CALM3: variants seen among roughly 807,000 people sequenced by gnomAD.
The protein encoded by CALM3 is calmodulin-3.
A neutral mutation model predicts 20.1 loss-of-function variants in CALM3; 5 were observed. The ratio of observed to expected loss-of-function variants is 0.25; its 90% confidence interval spans 0.13 to 0.52. CALM3 has a LOEUF of 0.52. Among genes scored for constraint, CALM3 ranks in the 20% least tolerant of loss-of-function variants. The pLI, the probability that CALM3 is intolerant of heterozygous loss-of-function variation, is 0.96. For missense variants in CALM3, 57 were observed against 192.8 expected, an observed-to-expected ratio of 0.30 and a Z score of 4.17; for synonymous variants, 69 against 68.1, an observed-to-expected ratio of 1.01 and a Z score of -0.06.
rs567547691 is a variant in CALM3 at position 46,604,968 on chromosome 19, G to A, written c.4-859G>A. Among the ~76,000 whole-genome samples the A allele has an allele frequency of 2.7e-5, 4 of 148,396 alleles. No individual in the cohort carries two copies. The East Asian group carries it at 6.0e-4, about 22-fold the overall frequency. On this transcript the variant is annotated intron_variant, in intron 1 of 5. Coordinates refer to ENST00000291295, the MANE Select transcript of CALM3 (RefSeq NM_005184.4). ...ACCAGTGCAGGAGAAGCCAGTCCCC[G>A]CATCTCCTCCCCACCCCCAAACCCC...
rs1203801682 is a variant in CALM3, at chr19:46,605,931, G to A, written c.34+74G>A. 2.2e-6 allele frequency: 3 copies of A among 1,345,862 alleles called. No individual in the cohort carries two copies. Among genetic ancestry groups the A allele is most frequent in the East Asian group, 2.3e-5 (1 of 43,616 alleles). The allele number at this position is 1,345,862 out of a possible 1,614,324, so 83.4% of individuals were successfully genotyped here. A position where few individuals can be genotyped will look rare whatever the true frequency, so the allele number is the denominator to read the frequency against. On this transcript the variant is annotated intron_variant, in intron 2 of 5. Coordinates refer to ENST00000291295, the MANE Select transcript of CALM3 (RefSeq NM_005184.4). This position sits in a 1 kb window ranked among gnomAD's most constrained non-coding sequence, Gnocchi z 4.1. ...CCAGCCAAATCTTAGCCACTGAGGA[G>A]TGACATCTGATGGGTGAACCTGTGT...
At chr19:46,604,183 C>T (rs1346272921) in intron 1 of CALM3, among the ~76,000 whole-genome samples, 6 of 152,174 alleles carry the variant, frequency 3.9e-5, no homozygotes, top group African/African-American at 1.2e-4. Flanking sequence ...AACCAGAAGC[C>T]CATCCTCCCT....
At position 46,608,124 on chromosome 19, in the gene CALM3, G is replaced by A; in HGVS notation, c.35-73G>A. On this transcript the variant is annotated intron_variant, in intron 2 of 5. Transcript: ENST00000291295. The surrounding 1 kb of genome is among the most constrained non-coding windows in gnomAD (Gnocchi z 5.5). Reference sequence around the variant, plus strand: ...TGCCCTTGGCCTTCCTCCAGGGAAGGCATCCAGCATCCAGAGGTAAGGATT... The same window carrying A: ...TGCCCTTGGCCTTCCTCCAGGGAAGACATCCAGCATCCAGAGGTAAGGATT... The A allele has an allele frequency of 6.8e-7, 1 of 1,470,018 alleles. No homozygotes were observed. The highest frequency in any genetic ancestry group is 2.3e-5 in the East Asian group (1 of 43,998). The allele number at this position is 1,470,018 out of a possible 1,614,324, so 91.1% of individuals were successfully genotyped here. A position where few individuals can be genotyped will look rare whatever the true frequency, so the allele number is the denominator to read the frequency against.
rs1427523920 is a variant in CALM3 at position 46,601,420 on chromosome 19, AC to A, written c.-11del. On this transcript the variant is annotated 5_prime_UTR_variant, in exon 1 of 6. Coordinates refer to ENST00000291295, the MANE Select transcript of CALM3 (RefSeq NM_005184.4). This position sits in a 1 kb window ranked among gnomAD's most constrained non-coding sequence, Gnocchi z 4.2. ...GAACCTTGATCCCCGTGCTCCGGAC[AC>A]CCCGGGCCTCGCCATGGTGAGTGAG... 1 of 1,503,138 alleles carries A rather than the reference AC, an allele frequency of 6.7e-7. No homozygotes were observed. The allele number at this position is 1,503,138 out of a possible 1,614,324, so 93.1% of individuals were successfully genotyped here. A position where few individuals can be genotyped will look rare whatever the true frequency, so the allele number is the denominator to read the frequency against.
Position 46,601,469 on chromosome 19 carries a change from G to C in CALM3, c.3+32G>C. On this transcript the variant is annotated intron_variant, in intron 1 of 5. Coordinates refer to ENST00000291295, the MANE Select transcript of CALM3 (RefSeq NM_005184.4). This position sits in a 1 kb window ranked among gnomAD's most constrained non-coding sequence, Gnocchi z 4.2. ...GAGGCTGGGGGGTCGCCGAGGCTGC[G>C]GGCTCTGAGGCGGGCTTAACGGGGC... 6.7e-7 allele frequency: 1 copy of C among 1,484,610 alleles called. No individual in the cohort carries two copies. The highest frequency in any genetic ancestry group is 1.3e-5 in the South Asian group (1 of 79,970). 92.0% of individuals were successfully genotyped at this position (1,484,610 alleles called of 1,614,324 possible).
Position 46,605,954 on chromosome 19 carries a change from T to C in CALM3, c.34+97T>C. 1 of 1,071,630 alleles carries C rather than the reference T, an allele frequency of 9.3e-7. No individual in the cohort carries two copies. The highest frequency in any genetic ancestry group is 1.3e-5 in the South Asian group (1 of 78,704). The allele number at this position is 1,071,630 out of a possible 1,614,324, so 66.4% of individuals were successfully genotyped here. ...GAGTGACATCTGATGGGTGAACCTG[T>C]GTATCCCTTGTGTCACCTAACACTA... On this transcript the variant is annotated intron_variant, in intron 2 of 5. Transcript: ENST00000291295. The surrounding 1 kb of genome is among the most constrained non-coding windows in gnomAD (Gnocchi z 4.1).
rs761694804 is a variant in CALM3 at position 46,608,464 on chromosome 19, C to T, written c.179-18C>T. 1.9e-5 allele frequency: 30 copies of T among 1,611,760 alleles called. No homozygotes were observed. Among genetic ancestry groups the T allele is most frequent in the African/African-American group, 5.3e-5 (4 of 74,874 alleles). On this transcript the variant is annotated intron_variant, in intron 3 of 5. Coordinates refer to ENST00000291295, the MANE Select transcript of CALM3 (RefSeq NM_005184.4). This position sits in a 1 kb window ranked among gnomAD's most constrained non-coding sequence, Gnocchi z 5.5. ...GGCCCAGGCCAAGAGCATTCTCCAT[C>T]CTTTCCCCACCTTCCAGGGAACGGG...
rs754166691 is a variant in CALM3, at chr19:46,608,804, C to T, written c.286-42C>T. Reference sequence around the variant, plus strand: ...CCCCTCTCACTGCCTCTCTCCCCACCGGGAGAAGTGCCCAGTGAAAGGCTT... The same window carrying T: ...CCCCTCTCACTGCCTCTCTCCCCACTGGGAGAAGTGCCCAGTGAAAGGCTT... On this transcript the variant is annotated intron_variant, in intron 4 of 5. Transcript: ENST00000291295. This position sits in a 1 kb window ranked among gnomAD's most constrained non-coding sequence, Gnocchi z 5.5. 5.2e-5 allele frequency: 79 copies of T among 1,528,032 alleles called. No individual in the cohort carries two copies. Among genetic ancestry groups the T allele is most frequent in the East Asian group, 1.4e-4 (6 of 44,088 alleles). The allele number at this position is 1,528,032 out of a possible 1,614,324, so 94.7% of individuals were successfully genotyped here.
upstream of CALM3, chr19:46,601,081 G>T (rs1339734254): frequency 1.7e-6 from 2 of 1,165,208 alleles, no homozygotes; most frequent in Non-Finnish European, 2.4e-6. The surrounding 1 kb of genome is among the most constrained non-coding windows in gnomAD (Gnocchi z 4.2). Flanking sequence ...CGCGCGGCGA[G>T]GGAAAGTAGT....
intron 1 of CALM3, among the ~76,000 whole-genome samples, chr19:46,604,507 A>C (rs1599755293): frequency 7.1e-6 from 1 of 139,950 alleles, no homozygotes; most frequent in African/African-American, 2.7e-5. Context: ...TACCCCTCCC[A>C]TTCTGCCTAT....
At position 46,601,406 on chromosome 19, in the gene CALM3, C is replaced by G. The variant is rs771975198; in HGVS notation, c.-29C>G. On this transcript the variant is annotated 5_prime_UTR_variant, in exon 1 of 6. Transcript: ENST00000291295. The surrounding 1 kb of genome is among the most constrained non-coding windows in gnomAD (Gnocchi z 4.2). Reference sequence around the variant, plus strand: ...TGCCGCCGCCGGAGGAACCTTGATCCCCGTGCTCCGGACACCCCGGGCCTC... The same window carrying G: ...TGCCGCCGCCGGAGGAACCTTGATCGCCGTGCTCCGGACACCCCGGGCCTC... The G allele has an allele frequency of 5.4e-5, 82 of 1,507,432 alleles. No individual in the cohort carries two copies. Among genetic ancestry groups the G allele is most frequent in the Non-Finnish European group, 6.8e-5 (77 of 1,130,762 alleles). 93.4% of individuals were successfully genotyped at this position (1,507,432 alleles called of 1,614,324 possible). A position where few individuals can be genotyped will look rare whatever the true frequency, so the allele number is the denominator to read the frequency against.
chr19:46,601,366 A>G lies in CALM3; in HGVS notation c.-69A>G. The G allele has an allele frequency of 1.4e-6, 2 of 1,463,876 alleles. No homozygotes were observed. The highest frequency in any genetic ancestry group is 9.1e-7 in the Non-Finnish European group (1 of 1,104,786). The allele number at this position is 1,463,876 out of a possible 1,614,324, so 90.7% of individuals were successfully genotyped here. A position where few individuals can be genotyped will look rare whatever the true frequency, so the allele number is the denominator to read the frequency against. On this transcript the variant is annotated 5_prime_UTR_variant, in exon 1 of 6. Transcript: ENST00000291295. The surrounding 1 kb of genome is among the most constrained non-coding windows in gnomAD (Gnocchi z 4.2). ...AGGCGCGGACGCGCGGCGGAGCTGGAACTGCTGCAGCTGCTGCCGCCGCCG... is the reference window on the plus strand; with the variant it reads ...AGGCGCGGACGCGCGGCGGAGCTGGGACTGCTGCAGCTGCTGCCGCCGCCG...
intron 2 of CALM3, among the ~76,000 whole-genome samples, chr19:46,606,701 C>G (rs1568665065): frequency 6.6e-6 from 1 of 152,184 alleles, no homozygotes; most frequent in Non-Finnish European, 1.5e-5. Context: ...ATTCATTTTT[C>G]TAACCCCTCC....
At chr19:46,602,624 G>C (rs763558524) in intron 1 of CALM3, 6 of 196,972 alleles carry the variant, frequency 3.0e-5, no homozygotes, top group East Asian at 1.6e-4. Context: ...GGAAGACACC[G>C]GGGCAGTGGG....
chr19:46,604,467 C>A (rs927297923), intron 1 of CALM3, among the ~76,000 whole-genome samples: 2 of 152,108 alleles, frequency 1.3e-5, no homozygotes, highest in Admixed American at 6.5e-5. Context: ...CCTCCCTAAG[C>A]CCTCTCCCCT....
At position 46,601,367 on chromosome 19, in the gene CALM3, A is replaced by G; in HGVS notation, c.-68A>G. On this transcript the variant is annotated 5_prime_UTR_variant, in exon 1 of 6. Coordinates refer to ENST00000291295, the MANE Select transcript of CALM3 (RefSeq NM_005184.4). This position sits in a 1 kb window ranked among gnomAD's most constrained non-coding sequence, Gnocchi z 4.2. ...GGCGCGGACGCGCGGCGGAGCTGGA[A>G]CTGCTGCAGCTGCTGCCGCCGCCGG... The G allele has an allele frequency of 6.7e-7, 1 of 1,484,404 alleles. No individual in the cohort carries two copies. The highest frequency in any genetic ancestry group is 2.9e-5 in the East Asian group (1 of 34,754). 92.0% of individuals were successfully genotyped at this position (1,484,404 alleles called of 1,614,324 possible). A position where few individuals can be genotyped will look rare whatever the true frequency, so the allele number is the denominator to read the frequency against.
In CALM3 at chr19:46,609,354, C is replaced by T. The variant is rs1971820976; in HGVS notation, c.*201C>T. 1 of 625,270 alleles carries T rather than the reference C, an allele frequency of 1.6e-6. No individual in the cohort carries two copies. Among genetic ancestry groups the T allele is most frequent in the Non-Finnish European group, 2.9e-6 (1 of 349,678 alleles). The allele number at this position is 625,270 out of a possible 1,614,324, so 38.7% of individuals were successfully genotyped here. ...TCTTCCCTGAGTCTCTCTCCATGCC[C>T]CTCATCTCTTCCTTTTGCCCTCGCC... On this transcript the variant is annotated 3_prime_UTR_variant, in exon 6 of 6. Transcript: ENST00000291295.
chr19:46,602,343 T>G (rs575092052), intron 1 of CALM3: 4 of 466,196 alleles, frequency 8.6e-6, no homozygotes, highest in African/African-American at 2.4e-5. Context: ...TTTAACGGGG[T>G]GGGAGTGTTG....
chr19:46,605,850 G>A lies in CALM3; in HGVS notation c.27G>A (p.Gln9=), dbSNP rs1971731867. ...AGGCTGACCAGCTGACTGAGGAGCA[G>A]ATTGCAGGTGAGTCTGCTATCCCCC... is the stretch of plus-strand genomic sequence containing the variant. MADQLTEE[Q]IAEFKEAFSL... is the part of the protein sequence containing the mutation. The change falls in exon 2 of 6, where the codon CAG becomes CAA. Residue 9 remains glutamine (Q), a synonymous_variant. Transcript: ENST00000291295. This position sits in a 1 kb window ranked among gnomAD's most constrained non-coding sequence, Gnocchi z 4.1. 6.2e-7 allele frequency: 1 copy of A among 1,614,172 alleles called. No individual in the cohort carries two copies. Among genetic ancestry groups the A allele is most frequent in the Non-Finnish European group, 8.5e-7 (1 of 1,180,008 alleles).
Sources: gnomAD v4.1 joint callset for allele counts (sites outside exome capture counted in the v4.1 genomes callset) on GRCh38, gnomAD v4.1.1 for gene constraint, Gnocchi (gnomAD v3.1) non-coding constraint, MANE v1.5 for transcripts, NCBI Gene and HGNC (gene_info 2026-07-23, HGNC 2026-07-21) for gene names.